The following SMARCA4 variants were observed in gnomAD, a reference collection of about 807,000 sequenced individuals.
The protein encoded by SMARCA4 is SWI/SNF related BAF chromatin remodeling complex subunit ATPase 4.
A neutral mutation model predicts 193.9 loss-of-function variants in SMARCA4; 31 were observed. The ratio of observed to expected loss-of-function variants is 0.16; its 90% CI spans 0.12 to 0.22. SMARCA4 has a LOEUF of 0.22. Among genes scored for constraint, SMARCA4 ranks in the 10% least tolerant of loss-of-function variants. The pLI is 1.00. For missense variants in SMARCA4, 1,148 were observed against 2,296.0 expected, an observed-to-expected ratio of 0.50 and a Z score of 10.22; for synonymous variants, 942 against 933.1, an observed-to-expected ratio of 1.01 and a Z score of -0.17.
chr19:10,983,198 T>A (rs1386343186), intron 1 of SMARCA4, among the ~76,000 whole-genome samples: 1 of 152,160 alleles, frequency 6.6e-6, no homozygotes, highest in Non-Finnish European at 1.5e-5. Flanking sequence ...TTCCCATTTG[T>A]CTCTGGGTGG....
chr19:11,045,189 G>A (rs1284384171), intron 30 of SMARCA4, among the ~76,000 whole-genome samples: 2 of 152,098 alleles, frequency 1.3e-5, no homozygotes, highest in Non-Finnish European at 2.9e-5. Flanking sequence ...GTGTGGTGGT[G>A]GGCGCCTGTA....
chr19:10,985,226 C>T lies in SMARCA4; in HGVS notation c.223-47C>T, dbSNP rs1430807226. The T allele has an allele frequency of 1.2e-6, 2 of 1,611,786 alleles. No homozygotes were observed. Among genetic ancestry groups the T allele is most frequent in the East Asian group, 2.2e-5 (1 of 44,848 alleles). ...GGGCAGCGCATAGCTGCGCTGCCACCTCACGTTCCACATGCTGACCCTGCC... is the reference window on the plus strand; with the variant it reads ...GGGCAGCGCATAGCTGCGCTGCCACTTCACGTTCCACATGCTGACCCTGCC... On this transcript the variant is annotated intron_variant, in intron 2 of 34. Coordinates refer to ENST00000344626, the MANE Select transcript of SMARCA4 (RefSeq NM_003072.5). The surrounding 1 kb of genome is among the most constrained non-coding windows in gnomAD (Gnocchi z 4.5).
chr19:10,997,573 G>T (rs1000534354), intron 11 of SMARCA4, among the ~76,000 whole-genome samples: 3 of 151,916 alleles, frequency 2.0e-5, no homozygotes, highest in Non-Finnish European at 4.4e-5. Flanking sequence ...TGATCCACCC[G>T]CCTTGGCCTC....
At chr19:11,042,126 C>T (rs2075652691) in intron 30 of SMARCA4, among the ~76,000 whole-genome samples, 1 of 152,222 alleles carries the variant, frequency 6.6e-6, no homozygotes, top group Non-Finnish European at 1.5e-5. Flanking sequence ...CCAGGCCCTG[C>T]TCCAAGCCTG....
intron 30 of SMARCA4, among the ~76,000 whole-genome samples, chr19:11,046,830 C>T (rs988612893): frequency 2.6e-5 from 4 of 151,722 alleles, no homozygotes; most frequent in African/African-American, 7.3e-5. Context: ...GTGGTGCACT[C>T]CTGTTGACTC....
At chr19:11,017,992 T>C (rs1406312296) in intron 16 of SMARCA4, among the ~76,000 whole-genome samples, 2 of 152,236 alleles carry the variant, frequency 1.3e-5, no homozygotes, top group Non-Finnish European at 2.9e-5. Flanking sequence ...CTCCCCACGC[T>C]TCTTCAGGAA....
intron 11 of SMARCA4, 64 bp from the exon 12 acceptor site, chr19:11,002,965 C>CCT: frequency 6.2e-7 from 1 of 1,600,692 alleles, no homozygotes; most frequent in African/African-American, 1.3e-5. Flanking sequence ...CCCACCTTGG[C>CCT]CTCTGTAAGT....
intron 16 of SMARCA4, among the ~76,000 whole-genome samples, chr19:11,014,768 T>C (rs1032702136): frequency 3.9e-5 from 6 of 152,224 alleles, no homozygotes; most frequent in Admixed American, 2.0e-4. Context: ...TTTTTTGCTT[T>C]AAAAAATTTT....
At chr19:11,054,985 G>A (rs2076461128) in intron 30 of SMARCA4, among the ~76,000 whole-genome samples, 1 of 152,120 alleles carries the variant, frequency 6.6e-6, no homozygotes, top group African/African-American at 2.4e-5. Context: ...GTGCGGGGAG[G>A]CTGCAGCATG....
intron 11 of SMARCA4, among the ~76,000 whole-genome samples, chr19:11,001,819 TG>T (rs2087667972): frequency 6.6e-6 from 1 of 152,246 alleles, no homozygotes; most frequent in African/African-American, 2.4e-5. Context: ...TTCTCCATCC[TG>T]GAAGTTTTTT....
Position 11,019,536 on chromosome 19 carries a change from GC to G in SMARCA4, c.2506-53del. On this transcript the variant is annotated intron_variant, in intron 17 of 34. Transcript: ENST00000344626. The surrounding 1 kb of genome is among the most constrained non-coding windows in gnomAD (Gnocchi z 6.1). Reference sequence around the variant, plus strand: ...TGCAGGGGGTGCCTGTGCCCCTCTTGCCACCTGGCCACCCGGCTCCAAAAGC... The same window carrying G: ...TGCAGGGGGTGCCTGTGCCCCTCTTGCACCTGGCCACCCGGCTCCAAAAGC... 8.3e-7 allele frequency: 1 copy of G among 1,199,090 alleles called. No homozygotes were observed. The highest frequency in any genetic ancestry group is 2.5e-5 in the East Asian group (1 of 40,280). 74.3% of individuals were successfully genotyped at this position (1,199,090 alleles called of 1,614,324 possible). A position where few individuals can be genotyped will look rare whatever the true frequency, so the allele number is the denominator to read the frequency against.
Position 10,994,890 on chromosome 19 carries a change from A to C in SMARCA4, c.1482A>C (p.Thr494=). The stretch of plus-strand genomic sequence containing the variant: ...TCAAGGAATATCACAGATCCGTCAC[A>C]GGCAAAATCCAGAAGCTGACCAAGG... ...KDFKEYHRSV[T]GKIQKLTKAV... Residue 494 remains threonine (T), a synonymous_variant, in exon 9 of 35, where the codon ACA becomes ACC. Coordinates refer to ENST00000344626, the MANE Select transcript of SMARCA4 (RefSeq NM_003072.5). 4 of 1,614,146 alleles carry C rather than the reference A, an allele frequency of 2.5e-6. No individual in the cohort carries two copies. Among genetic ancestry groups the C allele is most frequent in the Non-Finnish European group, 3.4e-6 (4 of 1,179,984 alleles).
chr19:11,053,329 C>A (rs926624242), intron 30 of SMARCA4, among the ~76,000 whole-genome samples: 68 of 151,654 alleles, frequency 4.5e-4, no homozygotes, highest in Admixed American at 4.5e-3. Context: ...ACTCAAAATA[C>A]GTAAGTTAGC....
chr19:11,027,728 G>A (rs1424104985), intron 23 of SMARCA4, 56 bp from the exon 24 acceptor site: 2 of 1,602,900 alleles, frequency 1.2e-6, no homozygotes, highest in Non-Finnish European at 1.7e-6. Context: ...TTACCTGCCT[G>A]CAGGGTTCCA....
At chr19:11,024,538 T>G in intron 21 of SMARCA4, 100 bp downstream of exon 21, 2 of 781,444 alleles carry the variant, frequency 2.6e-6, no homozygotes, top group Non-Finnish European at 4.4e-6. Context: ...GGTCATGATC[T>G]GGTCATGATC....
chr19:11,016,698 A>T (rs563795834), intron 16 of SMARCA4, among the ~76,000 whole-genome samples: 1 of 152,002 alleles, frequency 6.6e-6, no homozygotes, highest in African/African-American at 2.4e-5. Context: ...TTTATTTAGT[A>T]CTCCAGGCTA....
rs2086169297 is a variant in SMARCA4, at chr19:10,987,614, G to T, written c.860-52G>T. ...CTCAGCAGCTTTCCATTTCCAGCCC[G>T]GGATGGGCCCCAGAGCTCAACATGA... is the stretch of plus-strand genomic sequence containing the variant. On this transcript the variant is annotated intron_variant, in intron 5 of 34. Coordinates refer to ENST00000344626, the MANE Select transcript of SMARCA4 (RefSeq NM_003072.5). This position sits in a 1 kb window ranked among gnomAD's most constrained non-coding sequence, Gnocchi z 5.3. The T allele has an allele frequency of 1.2e-6, 2 of 1,608,826 alleles. No individual in the cohort carries two copies. The highest frequency in any genetic ancestry group is 2.2e-5 in the East Asian group (1 of 44,798).
chr19:10,986,722 A>G lies in SMARCA4; in HGVS notation c.760+129A>G, dbSNP rs1280185449. On this transcript the variant is annotated intron_variant, in intron 4 of 34. Transcript: ENST00000344626. The surrounding 1 kb of genome is among the most constrained non-coding windows in gnomAD (Gnocchi z 6.7). ...TTGGGATTGCACGGGCCCATACTGC[A>G]CTTCTGGGTGCTCGGGTGGTGGGGG... 3 of 1,393,316 alleles carry G rather than the reference A, an allele frequency of 2.2e-6. No individual in the cohort carries two copies. The highest frequency in any genetic ancestry group is 2.9e-6 in the Non-Finnish European group (3 of 1,021,786). The allele number at this position is 1,393,316 out of a possible 1,614,324, so 86.3% of individuals were successfully genotyped here. A position where few individuals can be genotyped will look rare whatever the true frequency, so the allele number is the denominator to read the frequency against.
At chr19:10,962,376 TGGA>T (rs2083880637) in intron 1 of SMARCA4, among the ~76,000 whole-genome samples, 1 of 152,066 alleles carries the variant, frequency 6.6e-6, no homozygotes, top group East Asian at 1.9e-4. Flanking sequence ...TCTGCAGTCT[TGGA>T]GGGGAGCGGG....
Sources: gnomAD v4.1 joint callset for allele counts (sites outside exome capture counted in the v4.1 genomes callset) on GRCh38, gnomAD v4.1.1 for gene constraint, Gnocchi (gnomAD v3.1) non-coding constraint, MANE v1.5 for transcripts, NCBI Gene and HGNC (gene_info 2026-07-23, HGNC 2026-07-21) for gene names.